The following PLPP2 variants were observed in gnomAD, a reference collection of about 807,000 sequenced individuals.
PLPP2 encodes the protein PAP2-gamma.
PLPP2 carries 29 observed loss-of-function variants against 35.2 expected under a neutral mutation model. That is an observed-to-expected ratio of 0.82 (90% CI 0.61 to 1.12). The LOEUF (loss-of-function observed/expected upper bound fraction) is 1.12, where lower values mean the gene tolerates loss of function less well. Ranked by LOEUF, PLPP2 falls within the 50% of genes most tolerant of loss-of-function variation. The pLI is 0.00. For missense variants in PLPP2, 353 were observed against 375.2 expected (o/e 0.94, Z 0.49); for synonymous variants, 162 against 167.0 (o/e 0.97, Z 0.23).
Position 288,051 on chromosome 19 carries a change from G to C in PLPP2, c.173C>G (p.Ala58Gly), listed in dbSNP as rs1397599238. ...RPDTITHGLM[A>G]GVTITATVIL... is the part of the protein sequence containing the mutation. ...GACGGTGGCCGTGATGGTGACCCCA[G>C]CCATGAGCCCGTGGGTGATGGTATC... Residue 58 changes from alanine to glycine, a missense_variant, in exon 2 of 6, where the codon GCT becomes GGT. Physicochemically the swap from Ala to Gly is moderately conservative, Grantham distance 60 (BLOSUM62 0). Transcript: ENST00000434325. 1 of 1,613,758 alleles carries C rather than the reference G, an allele frequency of 6.2e-7. No homozygotes were observed. The highest frequency in any genetic ancestry group is 1.1e-5 in the South Asian group (1 of 91,066).
chr19:290,903 G>A, intron 1 of PLPP2: 1 of 1,211,738 alleles, frequency 8.3e-7, no homozygotes, highest in Non-Finnish European at 1.0e-6. Context: ...CGGACGTCCT[G>A]CCGGGGTAAC....
At chr19:282,861 C>G (rs997315987) in intron 3 of PLPP2, 52 bp from the exon 4 acceptor site, 15 of 1,547,578 alleles carry the variant, frequency 9.7e-6, no homozygotes, top group Non-Finnish European at 1.3e-5. Flanking sequence ...CAACCTCCCC[C>G]TTGTCCCCGC....
chr19:286,572 A>T (rs190483509), intron 3 of PLPP2: 1 of 152,310 alleles, frequency 6.6e-6, no homozygotes, highest in East Asian at 1.9e-4. Context: ...AATTACATTG[A>T]ATATAAATAA....
At chr19:285,970 CA>C (rs1289472948) in intron 3 of PLPP2, 1 of 150,928 alleles carries the variant, frequency 6.6e-6, no homozygotes, top group African/African-American at 2.4e-5. Flanking sequence ...CATTCTGTCT[CA>C]AAAAATAAAA....
At position 282,921 on chromosome 19, in the gene PLPP2, C is replaced by T. The variant is rs1042176390; in HGVS notation, c.483-112G>A. On this transcript the variant is annotated intron_variant, in intron 3 of 5. Coordinates refer to ENST00000434325, the MANE Select transcript of PLPP2 (RefSeq NM_003712.4). ...ACACGGAGGCTGCTGCTGTTAGATG[C>T]ACTCAAATCCCAGTAGCAGAAACTG... 4 of 886,430 alleles carry T rather than the reference C, an allele frequency of 4.5e-6. No homozygotes were observed. In the Admixed American group the frequency reaches 8.5e-5, roughly 19 times the overall value. 54.9% of individuals were successfully genotyped at this position (886,430 alleles called of 1,614,324 possible).
intron 3 of PLPP2, 182 bp from the exon 4 acceptor site, chr19:282,991 C>G (rs1053500575): frequency 3.3e-6 from 2 of 611,306 alleles, no homozygotes; most frequent in African/African-American, 3.7e-5. Flanking sequence ...ATAAGAGTCT[C>G]TGACTGGGGC....
At chr19:283,270 T>C (rs578039559) in intron 3 of PLPP2, 1 of 159,772 alleles carries the variant, frequency 6.3e-6, no homozygotes, top group East Asian at 1.9e-4. Context: ...TTTTTGGAAC[T>C]ACTCAAAAGC....
rs1461973971 is a variant in PLPP2, at chr19:281,371, C to G, written c.*17G>C. 2 of 1,391,480 alleles carry G rather than the reference C, an allele frequency of 1.4e-6. No homozygotes were observed. Among genetic ancestry groups the G allele is most frequent in the Admixed American group, 2.8e-5 (1 of 36,360 alleles). 86.2% of individuals were successfully genotyped at this position (1,391,480 alleles called of 1,614,324 possible). ...AGCTGGACTCACAGCAGCTCCCTGC[C>G]TGGGCGGGGTCCGGCCTCAGGAGGA... On this transcript the variant is annotated 3_prime_UTR_variant, in exon 6 of 6. Transcript: ENST00000434325.
In PLPP2 at chr19:281,456, G is replaced by C; in HGVS notation, c.799C>G (p.Leu267Val). Residue 267 changes from leucine to valine, a missense_variant, in exon 6 of 6, where the codon CTG (leucine) becomes GTG (valine). Physicochemically the swap from Leu to Val is conservative, Grantham distance 32. Transcript: ENST00000434325. ...KEEELERKPS[L>V]SLTLTLGEAD... ...TCGCCCAGGGTCAACGTCAGTGACAGGCTGGGCTTCCGTTCCAGCTCCTCC... is the reference window on the plus strand; with the variant it reads ...TCGCCCAGGGTCAACGTCAGTGACACGCTGGGCTTCCGTTCCAGCTCCTCC... 6.4e-7 allele frequency: 1 copy of C among 1,563,754 alleles called. No individual in the cohort carries two copies. The highest frequency in any genetic ancestry group is 1.2e-5 in the South Asian group (1 of 83,492).
intron 3 of PLPP2, chr19:285,305 A>G (rs1970252646): frequency 6.6e-6 from 1 of 151,094 alleles, no homozygotes; most frequent in South Asian, 2.1e-4. Flanking sequence ...AGTGGTACAC[A>G]CTTGTAATCC....
At position 288,082 on chromosome 19, in the gene PLPP2, G is replaced by A. The variant is rs147458876; in HGVS notation, c.142C>T (p.Arg48Cys). The A allele has an allele frequency of 1.2e-4, 187 of 1,613,526 alleles. No homozygotes were observed. The highest frequency in any genetic ancestry group is 1.5e-4 in the Non-Finnish European group (178 of 1,179,862). ...AGCCCGTGGGTGATGGTATCTGGAC[G>A]GTAGGGGTACCGGATGGAGTCATCC... The part of the protein sequence containing the change: ...CGDDSIRYPY[R>C]PDTITHGLMA... Residue 48 changes from arginine (R) to cysteine (C), a missense_variant, in exon 2 of 6, where the codon CGT becomes TGT. Transcript: ENST00000434325.
At position 281,384 on chromosome 19, in the gene PLPP2, G is replaced by C. The variant is rs751295140; in HGVS notation, c.*4C>G. 8 of 1,396,904 alleles carry C rather than the reference G, an allele frequency of 5.7e-6. No individual in the cohort carries two copies. Among genetic ancestry groups the C allele is most frequent in the Admixed American group, 2.7e-5 (1 of 36,788 alleles). The allele number at this position is 1,396,904 out of a possible 1,614,324, so 86.5% of individuals were successfully genotyped here. A position where few individuals can be genotyped will look rare whatever the true frequency, so the allele number is the denominator to read the frequency against. ...GCAGCTCCCTGCCTGGGCGGGGTCC[G>C]GCCTCAGGAGGAGGAGTGCGGGTAT... On this transcript the variant is annotated 3_prime_UTR_variant, in exon 6 of 6. Coordinates refer to ENST00000434325, the MANE Select transcript of PLPP2 (RefSeq NM_003712.4).
chr19:281,581 G>C, intron 5 of PLPP2, 44 bp from the exon 6 acceptor site: 1 of 1,416,762 alleles, frequency 7.1e-7, no homozygotes, highest in African/African-American at 1.4e-5. Context: ...GGGCTGTCCA[G>C]GTACCAGGGA....
chr19:285,876 A>G (rs2145271527), intron 3 of PLPP2: 1 of 152,236 alleles, frequency 6.6e-6, no homozygotes, highest in South Asian at 2.1e-4. Context: ...AGGTAGGAGA[A>G]TCGCTTGAAC....
intron 3 of PLPP2, 24 bp from the exon 4 acceptor site, chr19:282,833 G>A: frequency 1.2e-6 from 2 of 1,610,466 alleles, no homozygotes; most frequent in Non-Finnish European, 1.7e-6. Flanking sequence ...AGGGGCAGGT[G>A]GCTCACTCAG....
Position 281,127 on chromosome 19 carries a change from T to C in PLPP2, c.*261A>G. The C allele has an allele frequency of 2.8e-6, 1 of 362,888 alleles. No individual in the cohort carries two copies. The highest frequency in any genetic ancestry group is 4.9e-6 in the Non-Finnish European group (1 of 203,938). The allele number at this position is 362,888 out of a possible 1,614,324, so 22.5% of individuals were successfully genotyped here. On this transcript the variant is annotated 3_prime_UTR_variant, in exon 6 of 6. Transcript: ENST00000434325. ...AGCAACTATCTGATCTCTCGGTCCC[T>C]TCCTTAACCCCATAAAAAGAAGGGG...
At chr19:288,302 A>T in intron 1 of PLPP2, 131 bp from the exon 2 acceptor site, 1 of 912,414 alleles carries the variant, frequency 1.1e-6, no homozygotes, top group Non-Finnish European at 1.6e-6. Context: ...AGCTTTTTTC[A>T]CAGCCCAAAT....
chr19:282,283 T>A lies in PLPP2; in HGVS notation c.568A>T (p.Lys190Ter). The A allele has an allele frequency of 1.2e-6, 2 of 1,613,710 alleles. No homozygotes were observed. The highest frequency in any genetic ancestry group is 1.7e-6 in the Non-Finnish European group (2 of 1,179,846). Residue 190 changes from lysine to a stop codon, truncating the protein, a stop_gained, in exon 5 of 6, where the codon AAG (lysine) becomes TAG (stop). Transcript: ENST00000434325. LOFTEE classifies it high-confidence loss of function. ...ALYVQARLCW[K>*]WARLLRPTVQ... ...GTGGGTCGCAGCAGCCGTGCCCACT[T>A]CCAACAGAGTCGTGCCTGCACATAC... is the stretch of plus-strand genomic sequence containing the variant.
intron 4 of PLPP2, 129 bp downstream of exon 4, chr19:282,623 A>G (rs964159061): frequency 9.6e-7 from 1 of 1,043,752 alleles, no homozygotes; most frequent in Non-Finnish European, 1.4e-6. Context: ...CCGTTTTTAT[A>G]AACAAATCAG....
Sources: allele counts gnomAD v4.1 joint callset, GRCh38; gene constraint gnomAD v4.1.1; transcripts MANE v1.5; gene names NCBI Gene and HGNC (gene_info 2026-07-23, HGNC 2026-07-21).